The following GBP2 variants were observed in gnomAD, a reference collection of about 807,000 sequenced individuals.
GBP2 encodes guanylate binding protein 2.
GBP2 carries 54 observed loss-of-function variants against 60.8 expected under a neutral mutation model. The observed-to-expected ratio is 0.89, with a 90% CI of 0.71 to 1.11. GBP2 has a LOEUF of 1.11. GBP2 is among the 50% of genes most tolerant of loss of function. The pLI, the probability that GBP2 is intolerant of heterozygous loss-of-function variation, is 0.00. For missense variants in GBP2, 665 were observed against 703.3 expected (o/e 0.95, Z 0.62); for synonymous variants, 243 against 256.5 (o/e 0.95, Z 0.50).
chr1:89,120,262 G>A lies in GBP2; in HGVS notation c.345C>T (p.Ile115=). The change falls in exon 4 of 11, where the codon ATC becomes ATT. Residue 115 remains isoleucine (I), a synonymous_variant. Coordinates refer to ENST00000370466, the MANE Select transcript of GBP2 (RefSeq NM_004120.5). ...TGCTCAGGAGGATGGCCAAGGCAAA[G>A]ATCCAGGAGTCATTCTCATTGTCAC... ...EKGDNENDSW[I]FALAILLSST... The A allele has an allele frequency of 6.2e-7, 1 of 1,613,888 alleles. No homozygotes were observed. Among genetic ancestry groups the A allele is most frequent in the Non-Finnish European group, 8.5e-7 (1 of 1,179,784 alleles).
chr1:89,124,184 A>C (rs1681468468), intron 1 of GBP2, among the ~76,000 whole-genome samples: 1 of 152,236 alleles, frequency 6.6e-6, no homozygotes, highest in African/African-American at 2.4e-5. Context: ...ACAATGCTGC[A>C]ATGAAAACCT....
chr1:89,109,534 T>G, intron 10 of GBP2, 143 bp downstream of exon 10: 1 of 634,192 alleles, frequency 1.6e-6, no homozygotes, highest in East Asian at 2.7e-5. Context: ...CAGAGATGAC[T>G]GGCATAAAAA....
chr1:89,122,012 A>G, intron 1 of GBP2, 29 bp from the exon 2 acceptor site: 1 of 1,529,726 alleles, frequency 6.5e-7, no homozygotes, highest in Non-Finnish European at 8.8e-7. Context: ...GATGAAATGG[A>G]AAGCAGTTTT....
chr1:89,119,887 G>T, intron 4 of GBP2: 3 of 313,514 alleles, frequency 9.6e-6, no homozygotes, highest in Non-Finnish European at 6.0e-6. Context: ...AGTTGCAGAA[G>T]TGAGAACATG....
At position 89,107,430 on chromosome 1, in the gene GBP2, G is replaced by C. The variant is rs558484979; in HGVS notation, c.*745C>G. ...AAAGAGAAAAGACTAAGGGAGACTA[G>C]AGAAGAGAGATCTAGGTGGCCTGGG... On this transcript the variant is annotated 3_prime_UTR_variant, in exon 11 of 11. Coordinates refer to ENST00000370466, the MANE Select transcript of GBP2 (RefSeq NM_004120.5). Among the ~76,000 whole-genome samples the C allele has an allele frequency of 1.3e-5, 2 of 152,300 alleles. No homozygotes were observed. Among genetic ancestry groups the C allele is most frequent in the East Asian group, 3.9e-4 (2 of 5,184 alleles).
chr1:89,109,438 G>T (rs766436284), intron 10 of GBP2, among the ~76,000 whole-genome samples: 3 of 152,142 alleles, frequency 2.0e-5, no homozygotes, highest in Non-Finnish European at 2.9e-5. Context: ...TAAAATACTT[G>T]TGCAGTGCCT....
In GBP2 at chr1:89,114,002, A is replaced by G. The variant is rs753229736; in HGVS notation, c.1149+14T>C. On this transcript the variant is annotated intron_variant, in intron 7 of 10. Transcript: ENST00000370466. ...TATTTTTCTGCCTCTCATGACGTAG[A>G]ACACCAAATATACCCCTAATTTCCT... The G allele has an allele frequency of 1.9e-4, 308 of 1,613,670 alleles. No homozygotes were observed. The highest frequency in any genetic ancestry group is 5.0e-4 in the Middle Eastern group (3 of 6,060).
At chr1:89,117,366 G>A in intron 5 of GBP2, 132 bp from the exon 6 acceptor site, 1 of 951,790 alleles carries the variant, frequency 1.1e-6, no homozygotes, top group Non-Finnish European at 1.6e-6. Flanking sequence ...AAAATTAAAG[G>A]GGTAGAGAAA....
rs914674861 is a variant in GBP2, at chr1:89,107,722, C to T, written c.*453G>A. On this transcript the variant is annotated 3_prime_UTR_variant, in exon 11 of 11. Coordinates refer to ENST00000370466, the MANE Select transcript of GBP2 (RefSeq NM_004120.5). ...TGCCCCATGGTTTGTTTGGTCTCAT[C>T]ACATTTTCATCATATTCACAACACT... is the stretch of plus-strand genomic sequence containing the variant. 6.6e-6 allele frequency among the ~76,000 whole-genome samples: 1 copy of T among 152,180 alleles called. No individual in the cohort carries two copies. The highest frequency in any genetic ancestry group is 1.5e-5 in the Non-Finnish European group (1 of 68,036).
intron 3 of GBP2, 39 bp downstream of exon 3, chr1:89,121,104 C>G: frequency 6.4e-7 from 1 of 1,563,662 alleles, no homozygotes; most frequent in Non-Finnish European, 8.8e-7. Flanking sequence ...AGATTTTAAT[C>G]TACCTAAGTG....
chr1:89,113,365 A>T (rs539367729), intron 7 of GBP2, among the ~76,000 whole-genome samples: 14 of 152,358 alleles, frequency 9.2e-5, no homozygotes, highest in Admixed American at 5.2e-4. Flanking sequence ...AGATAACTTA[A>T]CTATGAAGCT....
chr1:89,121,303 T>C, intron 2 of GBP2, 33 bp from the exon 3 acceptor site: 2 of 1,562,796 alleles, frequency 1.3e-6, no homozygotes, highest in Non-Finnish European at 1.7e-6. Flanking sequence ...GGAAAAGAAA[T>C]TACTTAGTAG....
chr1:89,120,352 G>C (rs1681373623), intron 3 of GBP2, 64 bp from the exon 4 acceptor site: 8 of 1,301,550 alleles, frequency 6.1e-6, no homozygotes, highest in Non-Finnish European at 8.9e-6. Flanking sequence ...AATTCAGATA[G>C]CTGAAGACTG....
chr1:89,121,777 C>T lies in GBP2; in HGVS notation c.190G>A (p.Gly64Ser), dbSNP rs754116605. 2.7e-5 allele frequency: 43 copies of T among 1,613,384 alleles called. No homozygotes were observed. The highest frequency in any genetic ancestry group is 3.5e-5 in the Non-Finnish European group (41 of 1,179,632). Residue 64 changes from glycine (G) to serine (S), a missense_variant and splice_region_variant, in exon 2 of 11, where the codon GGC becomes AGC. By Grantham distance (56) the Gly-to-Ser change is moderately conservative. Coordinates refer to ENST00000370466, the MANE Select transcript of GBP2 (RefSeq NM_004120.5). ...TTAGAGCTTTGCTGGTGTCACTCAC[C>T]GTTTTTCTTCCCAGCCAGCTTGTTC... ...LMNKLAGKKN[G>S]FSLGSTVKSH...
At chr1:89,111,897 AAAC>A (rs1681173717) in intron 8 of GBP2, among the ~76,000 whole-genome samples, 1 of 152,202 alleles carries the variant, frequency 6.6e-6, no homozygotes, top group African/African-American at 2.4e-5. Context: ...ACTTATATCA[AAAC>A]ATCTCATGTA....
intron 6 of GBP2, 72 bp downstream of exon 6, chr1:89,116,919 CT>C: frequency 1.3e-6 from 2 of 1,509,144 alleles, no homozygotes. Flanking sequence ...GACCCTTATG[CT>C]TTCCATTTTA....
At chr1:89,116,909 G>T in intron 6 of GBP2, 83 bp downstream of exon 6, 1 of 1,381,720 alleles carries the variant, frequency 7.2e-7, no homozygotes, top group Non-Finnish European at 1.0e-6. Context: ...TGTCAGAAGT[G>T]ACCCTTATGC....
In GBP2 at chr1:89,106,875, T is replaced by A. The variant is rs1681064199; in HGVS notation, c.*1300A>T. The stretch of plus-strand genomic sequence containing the variant: ...TACTGAAAATGTGAAGGTGGTGGCA[T>A]CCATTTACTCATAGCTGACACTGCA... On this transcript the variant is annotated 3_prime_UTR_variant, in exon 11 of 11. Transcript: ENST00000370466. The A allele has an allele frequency of 6.6e-6, 1 of 152,162 alleles. No homozygotes were observed. The highest frequency in any genetic ancestry group is 6.5e-5 in the Admixed American group (1 of 15,274). The allele number at this position is 152,162 out of a possible 1,614,324, so 9.4% of individuals were successfully genotyped here. A position where few individuals can be genotyped will look rare whatever the true frequency, so the allele number is the denominator to read the frequency against.
At chr1:89,119,433 T>C (rs1681351302) in intron 4 of GBP2, 1 of 152,088 alleles carries the variant, frequency 6.6e-6, no homozygotes, top group Non-Finnish European at 1.5e-5. Context: ...CTAGGTTAAG[T>C]AATGTGTGAG....
Sources: gnomAD v4.1 joint callset for allele counts (sites outside exome capture counted in the v4.1 genomes callset) on GRCh38, gnomAD v4.1.1 for gene constraint, MANE v1.5 for transcripts, NCBI Gene and HGNC (gene_info 2026-07-23, HGNC 2026-07-21) for gene names.